Variants in ARHGEF17 observed in about 807,000 individuals in gnomAD.
ARHGEF17 encodes 164 kDa Rho-specific guanine-nucleotide exchange factor.
A neutral mutation model predicts 174.0 loss-of-function variants in ARHGEF17; 80 were observed. The ratio of observed to expected loss-of-function variants is 0.46; its 90% CI spans 0.38 to 0.55. The LOEUF (loss-of-function observed/expected upper bound fraction) is 0.55, where lower values mean the gene tolerates loss of function less well. Among genes scored for constraint, ARHGEF17 ranks in the 20% least tolerant of loss-of-function variants. ARHGEF17 has a pLI of 0.00. For missense variants in ARHGEF17, 2,886 were observed against 2,839.7 expected, an observed-to-expected ratio of 1.02 and a Z score of -0.37; for synonymous variants, 1,311 against 1,189.1, an observed-to-expected ratio of 1.10 and a Z score of -2.11.
In ARHGEF17 at chr11:73,356,323, T is replaced by C; in HGVS notation, c.3812T>C (p.Ile1271Thr). 6.2e-7 allele frequency: 1 copy of C among 1,612,536 alleles called. No individual in the cohort carries two copies. The highest frequency in any genetic ancestry group is 2.2e-5 in the East Asian group (1 of 44,872). The change falls in exon 6 of 21, where the codon ATA (isoleucine) becomes ACA (threonine). Residue 1271 changes from isoleucine (I) to threonine (T), a missense_variant. By Grantham distance (89) the Ile-to-Thr change is moderately conservative. This residue lies in a region of ARHGEF17 where 353 missense variants were observed against 470.3 expected (regional missense o/e 0.75). Transcript: ENST00000263674. ...CGCCATGCCCGTGTGCTGCAGGAGA[T>C]AGAGGCTCACATCGAGGGCATGGAG... Reference protein sequence around the residue: ...AERHARVLQEIEAHIEGMEDL... With the variant: ...AERHARVLQETEAHIEGMEDL...
At chr11:73,351,290 G>T (rs562520897) in intron 2 of ARHGEF17, among the ~76,000 whole-genome samples, 16 of 151,978 alleles carry the variant, frequency 1.1e-4, no homozygotes, top group African/African-American at 3.6e-4. Context: ...AAATGTTATT[G>T]CAACATCACA....
intron 1 of ARHGEF17, among the ~76,000 whole-genome samples, chr11:73,323,688 CG>C (rs1405845611): frequency 6.6e-6 from 1 of 152,246 alleles, no homozygotes; most frequent in Non-Finnish European, 1.5e-5. Context: ...CCAAGGCCAG[CG>C]GGGGCGTTGC....
chr11:73,333,529 G>A (rs371984752), intron 1 of ARHGEF17, among the ~76,000 whole-genome samples: 5 of 152,318 alleles, frequency 3.3e-5, no homozygotes, highest in East Asian at 3.9e-4. Context: ...ATAATTGAAC[G>A]GGCATGGTCA....
intron 17 of ARHGEF17, 100 bp from the exon 18 acceptor site, chr11:73,364,352 T>G: frequency 3.7e-6 from 6 of 1,603,562 alleles, no homozygotes; most frequent in Non-Finnish European, 5.1e-6. Flanking sequence ...CCTTGGTTTC[T>G]TTGCTTATAA....
At chr11:73,363,868 C>T in intron 16 of ARHGEF17, 35 bp downstream of exon 16, 7 of 1,597,380 alleles carry the variant, frequency 4.4e-6, no homozygotes, top group Non-Finnish European at 5.1e-6. Context: ...TATCTAGACT[C>T]TTCTCAGCCA....
At chr11:73,361,061 C>T (rs1313406868) in intron 11 of ARHGEF17, 27 bp from the exon 12 acceptor site, 1 of 1,590,920 alleles carries the variant, frequency 6.3e-7, no homozygotes, top group Non-Finnish European at 8.6e-7. Flanking sequence ...TAAGCAGGGT[C>T]CGTCTGTCTG....
chr11:73,363,615 C>G (rs932344765), intron 15 of ARHGEF17, 132 bp from the exon 16 acceptor site: 1 of 1,490,918 alleles, frequency 6.7e-7, no homozygotes, highest in Non-Finnish European at 9.1e-7. Context: ...CCCAGGGAGG[C>G]TGTGGGACCT....
intron 1 of ARHGEF17, among the ~76,000 whole-genome samples, chr11:73,326,188 G>A (rs1205920805): frequency 6.6e-6 from 1 of 152,248 alleles, no homozygotes; most frequent in East Asian, 1.9e-4. Context: ...CAAGAAGGGT[G>A]AGGGCAGGGA....
intron 1 of ARHGEF17, among the ~76,000 whole-genome samples, chr11:73,335,549 G>T (rs1038025523): frequency 6.6e-6 from 1 of 151,898 alleles, no homozygotes; most frequent in Non-Finnish European, 1.5e-5. Flanking sequence ...AAGAAAGAAA[G>T]GGAAAAAACC....
chr11:73,326,418 C>T (rs1865102436), intron 1 of ARHGEF17, among the ~76,000 whole-genome samples: 1 of 152,126 alleles, frequency 6.6e-6, no homozygotes, highest in African/African-American at 2.4e-5. Context: ...TGGACTTGAT[C>T]CCAGAGTGGT....
At chr11:73,324,087 A>T (rs1039083269) in intron 1 of ARHGEF17, among the ~76,000 whole-genome samples, 1 of 152,176 alleles carries the variant, frequency 6.6e-6, no homozygotes, top group Non-Finnish European at 1.5e-5. Flanking sequence ...GGTCTTAGGA[A>T]AACGGCCGTG....
chr11:73,309,247 A>G lies in ARHGEF17; in HGVS notation c.609A>G (p.Gln203=). 2.5e-6 allele frequency: 4 copies of G among 1,607,276 alleles called. No individual in the cohort carries two copies. Among genetic ancestry groups the G allele is most frequent in the East Asian group, 4.5e-5 (2 of 44,284 alleles). Residue 203 remains glutamine, a synonymous_variant, in exon 1 of 21, where the codon CAA becomes CAG. Coordinates refer to ENST00000263674, the MANE Select transcript of ARHGEF17 (RefSeq NM_014786.4). ...GGAGGCTGCGCCGGCCGCAGCAGCA[A>G]CAGGAGCGGGCGCAGCGTCCAGCGG... The part of the protein sequence containing the change: ...TEGRLRRPQQ[Q]QERAQRPADG...
At chr11:73,335,891 A>T (rs1021942132) in intron 1 of ARHGEF17, among the ~76,000 whole-genome samples, 1 of 152,240 alleles carries the variant, frequency 6.6e-6, no homozygotes, top group Non-Finnish European at 1.5e-5. Flanking sequence ...GAATTTGGCT[A>T]AAGTTGCAAA....
In ARHGEF17 at chr11:73,363,343, G is replaced by A. The variant is rs778183494; in HGVS notation, c.5134G>A (p.Ala1712Thr). 6.2e-6 allele frequency: 10 copies of A among 1,612,728 alleles called. 1 individual carries two copies. The highest frequency in any genetic ancestry group is 1.7e-4 in the Middle Eastern group (1 of 6,044). The change falls in exon 15 of 21, where the codon GCC becomes ACC. Residue 1712 changes from alanine (A) to threonine (T), a missense_variant. By Grantham distance (58) the Ala-to-Thr change is moderately conservative. This residue lies in a region of ARHGEF17 where 476 missense variants were observed against 473.1 expected (regional missense o/e 1.01). Coordinates refer to ENST00000263674, the MANE Select transcript of ARHGEF17 (RefSeq NM_014786.4). ...PCGTSPMDGR[A>T]LRRSSHGSFT... Reference sequence around the variant, plus strand: ...CGGCACCAGCCCAATGGATGGGAGAGCCCTTCGCCGCTCCAGCCACGGCTC... The same window carrying A: ...CGGCACCAGCCCAATGGATGGGAGAACCCTTCGCCGCTCCAGCCACGGCTC...
rs558565073 is a variant in ARHGEF17, at chr11:73,310,726, G to T, written c.2088G>T (p.Ser696=). The change falls in exon 1 of 21, where the codon TCG becomes TCT. Residue 696 remains serine, a synonymous_variant. Transcript: ENST00000263674. ...EDSLGGWALV[S]PETPPTPGAL... ...GTCTGGGCGGGTGGGCCCTGGTGTCGCCTGAGACCCCTCCCACACCAGGTG... is the reference window on the plus strand; with the variant it reads ...GTCTGGGCGGGTGGGCCCTGGTGTCTCCTGAGACCCCTCCCACACCAGGTG... 6.8e-6 allele frequency: 11 copies of T among 1,612,046 alleles called. No homozygotes were observed. The highest frequency in any genetic ancestry group is 1.1e-5 in the South Asian group (1 of 91,048).
intron 16 of ARHGEF17, 32 bp downstream of exon 16, chr11:73,363,865 AC>A: frequency 6.2e-7 from 1 of 1,602,736 alleles, no homozygotes; most frequent in Non-Finnish European, 8.5e-7. Context: ...TCCTATCTAG[AC>A]TCTTCTCAGC....
intron 3 of ARHGEF17, among the ~76,000 whole-genome samples, chr11:73,354,473 T>C (rs1294931735): frequency 1.3e-5 from 2 of 152,108 alleles, no homozygotes; most frequent in Non-Finnish European, 2.9e-5. Context: ...CCCAGCACTT[T>C]GGGAGGCCGA....
At position 73,308,730 on chromosome 11, in the gene ARHGEF17, A is replaced by G; in HGVS notation, c.92A>G (p.Glu31Gly). ...RWSGGPGLRE[E>G]DTDTPGLRRR... ...AGCGGCGGCCCCGGGCTGAGGGAGGAGGACACGGACACCCCCGGCTTGAGG... is the reference window on the plus strand; with the variant it reads ...AGCGGCGGCCCCGGGCTGAGGGAGGGGGACACGGACACCCCCGGCTTGAGG... The change falls in exon 1 of 21, where the codon GAG becomes GGG. Residue 31 changes from glutamate to glycine, a missense_variant. Glu to Gly is a moderately conservative substitution (Grantham distance 98). Around this residue, in one of 4 missense-constraint regions of ARHGEF17, gnomAD observed 1,728 missense variants for 1,461.2 expected, o/e 1.18. Coordinates refer to ENST00000263674, the MANE Select transcript of ARHGEF17 (RefSeq NM_014786.4). 1 of 1,510,862 alleles carries G rather than the reference A, an allele frequency of 6.6e-7. No homozygotes were observed. Among genetic ancestry groups the G allele is most frequent in the Non-Finnish European group, 8.8e-7 (1 of 1,134,756 alleles). 93.6% of individuals were successfully genotyped at this position (1,510,862 alleles called of 1,614,324 possible). A position where few individuals can be genotyped will look rare whatever the true frequency, so the allele number is the denominator to read the frequency against.
intron 10 of ARHGEF17, among the ~76,000 whole-genome samples, 167 bp downstream of exon 10, chr11:73,360,119 G>T (rs1366800122): frequency 6.6e-6 from 1 of 152,240 alleles, no homozygotes; most frequent in Non-Finnish European, 1.5e-5. Context: ...ACATGTTCCA[G>T]GTCTGAGGGT....
Sources: gnomAD v4.1 joint callset for allele counts (sites outside exome capture counted in the v4.1 genomes callset) on GRCh38, gnomAD v4.1.1 for gene constraint, gnomAD v4.1.1 regional missense constraint, MANE v1.5 for transcripts, NCBI Gene and HGNC (gene_info 2026-07-23, HGNC 2026-07-21) for gene names.